PPP4R2: variants seen among roughly 807,000 people sequenced by gnomAD.
PPP4R2 encodes the protein serine/threonine-protein phosphatase 4 regulatory subunit 2.
A neutral mutation model predicts 47.2 loss-of-function variants in PPP4R2; 13 were observed. The ratio of observed to expected loss-of-function variants is 0.28; its 90% CI spans 0.18 to 0.44. The LOEUF (loss-of-function observed/expected upper bound fraction) is 0.44. Among genes scored for constraint, PPP4R2 ranks in the 20% least tolerant of loss-of-function variants. The pLI, the probability that PPP4R2 is intolerant of heterozygous loss-of-function variation, is 1.00. For missense variants in PPP4R2, 421 were observed against 491.2 expected, an observed-to-expected ratio of 0.86 and a Z score of 1.35; for synonymous variants, 151 against 163.3, an observed-to-expected ratio of 0.92 and a Z score of 0.57.
At chr3:73,062,424 CATAA>C in intron 5 of PPP4R2, 1 of 1,611,406 alleles carries the variant, frequency 6.2e-7, no homozygotes, top group Non-Finnish European at 8.5e-7. Flanking sequence ...AGACCCAGCA[CATAA>C]ATCTCATTTC....
Position 73,065,139 on chromosome 3 carries a change from A to C in PPP4R2, c.926A>C (p.Glu309Ala). The C allele has an allele frequency of 1.2e-6, 2 of 1,605,838 alleles. No homozygotes were observed. The highest frequency in any genetic ancestry group is 1.7e-6 in the Non-Finnish European group (2 of 1,176,378). ...GAAGAAGAGGATGAAGAGGAAGAAG[A>C]AGGTATTTAGAGACCATCTGTAAAA... ...EDEEEDEEEE[E>A]ESFMTSREMI... The change falls in exon 8 of 9, where the codon GAA (glutamate) becomes GCA (alanine). Residue 309 changes from glutamate to alanine, a missense_variant and splice_region_variant. Physicochemically the swap from Glu to Ala is moderately radical, Grantham distance 107 (BLOSUM62 -1). This residue lies in a region of PPP4R2 where 317 missense variants were observed against 287.5 expected (regional missense o/e 1.10). Coordinates refer to ENST00000356692, the MANE Select transcript of PPP4R2 (RefSeq NM_174907.4).
intron 2 of PPP4R2, among the ~76,000 whole-genome samples, chr3:73,036,616 T>C (rs1189451046): frequency 9.2e-5 from 14 of 152,244 alleles, no homozygotes; most frequent in Non-Finnish European, 1.5e-5. Context: ...CATGTTCATT[T>C]TCCATGTATT....
intron 2 of PPP4R2, among the ~76,000 whole-genome samples, chr3:73,042,700 T>C (rs1158699578): frequency 1.3e-5 from 2 of 152,134 alleles, no homozygotes. Context: ...ATTTTCTGTT[T>C]TTGTTTTTAT....
At chr3:73,028,276 G>C (rs1702105976) in intron 2 of PPP4R2, among the ~76,000 whole-genome samples, 2 of 140,670 alleles carry the variant, frequency 1.4e-5, no homozygotes, top group East Asian at 2.1e-4. Context: ...AAAAAAAAAA[G>C]ACGGGGTCTT....
chr3:73,062,299 T>G (rs1453772297), intron 5 of PPP4R2: 1 of 1,607,678 alleles, frequency 6.2e-7, no homozygotes, highest in Non-Finnish European at 8.5e-7. Flanking sequence ...CTCCCTGACC[T>G]TCAAGGAAGA....
rs1393816083 is a variant in PPP4R2 at position 73,067,177 on chromosome 3, ATATT to A, written c.*1456_*1459del. 2 of 152,148 alleles carry A rather than the reference ATATT, an allele frequency of 1.3e-5. No homozygotes were observed. Among genetic ancestry groups the A allele is most frequent in the Non-Finnish European group, 2.9e-5 (2 of 67,964 alleles). The allele number at this position is 152,148 out of a possible 1,614,324, so 9.4% of individuals were successfully genotyped here. On this transcript the variant is annotated 3_prime_UTR_variant, in exon 9 of 9. Transcript: ENST00000356692. ...ATACAGTATTCATATAAAGCAATAA[ATATT>A]AATGTTATGAAATATTTGACTACAT... is the stretch of plus-strand genomic sequence containing the variant.
intron 2 of PPP4R2, among the ~76,000 whole-genome samples, chr3:73,018,452 T>TGTTAC: frequency 1.0e-5 from 1 of 96,506 alleles, no homozygotes; most frequent in Non-Finnish European, 2.3e-5. Flanking sequence ...TGTTATGTTA[T>TGTTAC]TTATGTTATG....
At chr3:73,052,583 TTTG>T (rs10575194) in intron 3 of PPP4R2, among the ~76,000 whole-genome samples, 79,680 of 151,506 alleles carry the variant, frequency 0.53, 21,267 homozygotes, top group African/African-American at 0.61. Context: ...AAAGAGGCAT[TTTG>T]TTGAGGGATA....
intron 2 of PPP4R2, chr3:73,016,205 T>C (rs547380668): frequency 6.6e-6 from 1 of 152,368 alleles, no homozygotes; most frequent in Admixed American, 6.5e-5. Context: ...TGAAGATGTG[T>C]GAGATTCTTT....
intron 5 of PPP4R2, 88 bp downstream of exon 5, chr3:73,061,148 A>AT: frequency 1.8e-6 from 1 of 566,314 alleles, no homozygotes; most frequent in Non-Finnish European, 2.8e-6. Context: ...AAATAGACTG[A>AT]ATTTATTTAA....
rs1206336365 is a variant in PPP4R2, at chr3:73,066,589, A to G, written c.*867A>G. ...AAATGTTAGCTTACTATTTTGTAGA[A>G]TGAATGTTTATGAAGCTGATATGAG... is the stretch of plus-strand genomic sequence containing the variant. On this transcript the variant is annotated 3_prime_UTR_variant, in exon 9 of 9. Coordinates refer to ENST00000356692, the MANE Select transcript of PPP4R2 (RefSeq NM_174907.4). 6.6e-6 allele frequency: 1 copy of G among 151,758 alleles called. No homozygotes were observed. Among genetic ancestry groups the G allele is most frequent in the East Asian group, 1.9e-4 (1 of 5,200 alleles). 9.4% of individuals were successfully genotyped at this position (151,758 alleles called of 1,614,324 possible). A position where few individuals can be genotyped will look rare whatever the true frequency, so the allele number is the denominator to read the frequency against.
chr3:73,063,484 C>T (rs992166610), intron 5 of PPP4R2, 189 bp from the exon 6 acceptor site: 6 of 514,344 alleles, frequency 1.2e-5, no homozygotes, highest in South Asian at 2.2e-5. Context: ...AATAGCTGCG[C>T]ATGGCATCAC....
intron 4 of PPP4R2, among the ~76,000 whole-genome samples, chr3:73,060,122 G>A (rs187815200): frequency 2.8e-4 from 42 of 152,170 alleles, no homozygotes; most frequent in Admixed American, 2.7e-3. Flanking sequence ...TTCATTTAAG[G>A]ATCTGGTTCA....
intron 2 of PPP4R2, chr3:73,016,270 C>A (rs1701829588): frequency 2.8e-5 from 3 of 108,498 alleles, no homozygotes; most frequent in African/African-American, 1.2e-4. Context: ...TATTCTCGTT[C>A]ACTTTTTTTT....
rs529354467 is a variant in PPP4R2 at position 73,052,769 on chromosome 3, C to A, written c.287+5413C>A. On this transcript the variant is annotated intron_variant, in intron 3 of 8. Transcript: ENST00000356692. The stretch of plus-strand genomic sequence containing the variant: ...CTCTCTAAAGTAGGCAGTCGGCCTC[C>A]TCACTCTGTGAATAGTAAACTAAAA... 2.8e-3 allele frequency among the ~76,000 whole-genome samples: 430 copies of A among 152,322 alleles called. 2 individuals are homozygous for A. The highest frequency in any genetic ancestry group is 5.0e-3 in the Non-Finnish European group (340 of 68,010).
rs754072026 is a variant in PPP4R2 at position 73,064,028 on chromosome 3, C to G, written c.520C>G (p.Pro174Ala). 6.2e-7 allele frequency: 1 copy of G among 1,611,196 alleles called. No individual in the cohort carries two copies. The highest frequency in any genetic ancestry group is 1.7e-5 in the Admixed American group (1 of 59,550). The change falls in exon 7 of 9, where the codon CCC (proline) becomes GCC (alanine). Residue 174 changes from proline to alanine, a missense_variant. Physicochemically the swap from Pro to Ala is conservative, Grantham distance 27. This residue lies in a region of PPP4R2 where 317 missense variants were observed against 287.5 expected (regional missense o/e 1.10). Transcript: ENST00000356692. Reference sequence around the variant, plus strand: ...GTCTAATATAAATGGGCCTGGGACACCCAGGCCACTTAATCGACCAAAGGT... The same window carrying G: ...GTCTAATATAAATGGGCCTGGGACAGCCAGGCCACTTAATCGACCAAAGGT... ...ERSNINGPGTPRPLNRPKVSL... is the reference protein window; with the variant it reads ...ERSNINGPGTARPLNRPKVSL...
chr3:72,998,934 G>A (rs1404718148), intron 2 of PPP4R2, among the ~76,000 whole-genome samples: 1 of 152,130 alleles, frequency 6.6e-6, no homozygotes, highest in Non-Finnish European at 1.5e-5. Context: ...GGTTTCTATG[G>A]TTTCAATGTT....
At chr3:73,061,923 A>G in intron 5 of PPP4R2, 1 of 595,010 alleles carries the variant, frequency 1.7e-6, no homozygotes. Context: ...TAAGATACTA[A>G]AATAATCCCA....
At chr3:73,019,886 A>G (rs567362938) in intron 2 of PPP4R2, among the ~76,000 whole-genome samples, 1 of 152,148 alleles carries the variant, frequency 6.6e-6, no homozygotes, top group East Asian at 1.9e-4. Context: ...TAGCCTTGCC[A>G]TTTACAATTT....
Sources: allele counts gnomAD v4.1 joint callset (sites outside exome capture counted in the v4.1 genomes callset), GRCh38; gene constraint gnomAD v4.1.1; regional missense constraint gnomAD v4.1.1; transcripts MANE v1.5; gene names NCBI Gene and HGNC (gene_info 2026-07-23, HGNC 2026-07-21).